The following EFNA2 variants were observed in gnomAD, a reference collection of about 807,000 sequenced individuals.
The protein encoded by EFNA2 is ephrin-A2.
EFNA2 carries 18 observed loss-of-function variants against 19.7 expected under a neutral mutation model. The ratio of observed to expected loss-of-function variants is 0.91; its 90% CI spans 0.63 to 1.35. The LOEUF is 1.35. Ranked by LOEUF, EFNA2 falls within the 40% of genes most tolerant of loss-of-function variation. The pLI, the probability that EFNA2 is intolerant of heterozygous loss-of-function variation, is 0.00. For missense variants in EFNA2, 303 were observed against 296.0 expected (o/e 1.02, Z -0.17); for synonymous variants, 187 against 137.8 (o/e 1.36, Z -2.50).
rs2081463943 is a variant in EFNA2, at chr19:1,286,274, C to T, written c.106C>T (p.Arg36Cys). The T allele has an allele frequency of 4.6e-6, 5 of 1,093,722 alleles. No individual in the cohort carries two copies. Among genetic ancestry groups the T allele is most frequent in the Admixed American group, 4.6e-5 (1 of 21,972 alleles). 67.8% of individuals were successfully genotyped at this position (1,093,722 alleles called of 1,614,324 possible). Reference sequence around the variant, plus strand: ...GGACGCCGCCCGCGCCAACTCGGACCGCTACGCCGTCTACTGGAACCGCAG... The same window carrying T: ...GGACGCCGCCCGCGCCAACTCGGACTGCTACGCCGTCTACTGGAACCGCAG... ...AEDAARANSD[R>C]YAVYWNRSNP... The change falls in exon 1 of 4, where the codon CGC (arginine) becomes TGC (cysteine). Residue 36 changes from arginine (R) to cysteine (C), a missense_variant. Physicochemically the swap from Arg to Cys is radical, Grantham distance 180 (BLOSUM62 -3). Coordinates refer to ENST00000215368, the MANE Select transcript of EFNA2 (RefSeq NM_001405.4). This position sits in a 1 kb window ranked among gnomAD's most constrained non-coding sequence, Gnocchi z 5.6.
At position 1,301,248 on chromosome 19, in the gene EFNA2, ACGGCCGC is replaced by A. The variant is rs934692109; in HGVS notation, c.*1310_*1316del. Among the ~76,000 whole-genome samples, 6 of 140,312 alleles carry A rather than the reference ACGGCCGC, an allele frequency of 4.3e-5. 1 individual carries two copies. Among genetic ancestry groups the A allele is most frequent in the African/African-American group, 1.6e-4 (6 of 38,490 alleles). 92.1% of individuals were successfully genotyped at this position (140,312 alleles called of 152,430 possible). A position where few individuals can be genotyped will look rare whatever the true frequency, so the allele number is the denominator to read the frequency against. ...TATTATATATAAATATATATTGTGT[ACGGCCGC>A]CGGCCGGCGGCTCGAGGCACGCCCG... is the stretch of plus-strand genomic sequence containing the variant. On this transcript the variant is annotated 3_prime_UTR_variant, in exon 4 of 4. Coordinates refer to ENST00000215368, the MANE Select transcript of EFNA2 (RefSeq NM_001405.4).
intron 1 of EFNA2, among the ~76,000 whole-genome samples, chr19:1,289,598 T>C: frequency 6.6e-6 from 1 of 152,146 alleles, no homozygotes; most frequent in East Asian, 1.9e-4. Context: ...TGATTGGAAA[T>C]CTGCAGCCTT....
At chr19:1,289,626 G>C (rs1042161422) in intron 1 of EFNA2, among the ~76,000 whole-genome samples, 1 of 152,218 alleles carries the variant, frequency 6.6e-6, no homozygotes, top group Non-Finnish European at 1.5e-5. Flanking sequence ...CTGGGTGGGC[G>C]CTTGCCCACA....
Position 1,295,441 on chromosome 19 carries a change from G to A in EFNA2, c.141-104G>A. On this transcript the variant is annotated intron_variant, in intron 1 of 3. Coordinates refer to ENST00000215368, the MANE Select transcript of EFNA2 (RefSeq NM_001405.4). This position sits in a 1 kb window ranked among gnomAD's most constrained non-coding sequence, Gnocchi z 5.8. Reference sequence around the variant, plus strand: ...CGGCCCTCGCCGCGCACCCCGACCCGTCCCTCGTGCTCCTGTCCCCTGACC... The same window carrying A: ...CGGCCCTCGCCGCGCACCCCGACCCATCCCTCGTGCTCCTGTCCCCTGACC... 1.7e-6 allele frequency: 2 copies of A among 1,155,512 alleles called. No individual in the cohort carries two copies. The highest frequency in any genetic ancestry group is 2.1e-5 in the South Asian group (1 of 48,694). The allele number at this position is 1,155,512 out of a possible 1,614,324, so 71.6% of individuals were successfully genotyped here.
chr19:1,289,846 G>A (rs1399642948), intron 1 of EFNA2, among the ~76,000 whole-genome samples: 3 of 152,236 alleles, frequency 2.0e-5, no homozygotes, highest in African/African-American at 4.8e-5. Context: ...GGCGTCCCTC[G>A]GCCTCTCGGG....
At chr19:1,298,419 T>G in intron 2 of EFNA2, 132 bp from the exon 3 acceptor site, 1 of 774,162 alleles carries the variant, frequency 1.3e-6, no homozygotes. Context: ...TGATGTACGA[T>G]TAGGAGTTTT....
rs1181464312 is a variant in EFNA2 at position 1,286,553 on chromosome 19, C to T, written c.140+245C>T. ...CCTACGGACTGTGGGGACTCGCGCC[C>T]CACATCCCCCAGAGCGCCGACGTCT... On this transcript the variant is annotated intron_variant, in intron 1 of 3. Coordinates refer to ENST00000215368, the MANE Select transcript of EFNA2 (RefSeq NM_001405.4). This position sits in a 1 kb window ranked among gnomAD's most constrained non-coding sequence, Gnocchi z 5.6. Among the ~76,000 whole-genome samples the T allele has an allele frequency of 6.6e-6, 1 of 152,056 alleles. No individual in the cohort carries two copies. Among genetic ancestry groups the T allele is most frequent in the East Asian group, 1.9e-4 (1 of 5,166 alleles).
Position 1,295,750 on chromosome 19 carries a change from C to A in EFNA2, c.346C>A (p.Arg116=). The A allele has an allele frequency of 6.2e-7, 1 of 1,605,326 alleles. No individual in the cohort carries two copies. Among genetic ancestry groups the A allele is most frequent in the Non-Finnish European group, 8.5e-7 (1 of 1,177,002 alleles). The change falls in exon 2 of 4, where the codon CGG becomes AGG. Residue 116 remains arginine, a synonymous_variant. Transcript: ENST00000215368. This position sits in a 1 kb window ranked among gnomAD's most constrained non-coding sequence, Gnocchi z 5.8. The part of the protein sequence containing the change: ...QRGFKRWECN[R]PAAPGGPLKF... Reference sequence around the variant, plus strand: ...CGGCTTCAAGCGCTGGGAGTGCAACCGGCCCGCGGCGCCCGGGGGGCCGCT... The same window carrying A: ...CGGCTTCAAGCGCTGGGAGTGCAACAGGCCCGCGGCGCCCGGGGGGCCGCT...
At position 1,300,785 on chromosome 19, in the gene EFNA2, C is replaced by G. The variant is rs1022506335; in HGVS notation, c.*840C>G. On this transcript the variant is annotated 3_prime_UTR_variant, in exon 4 of 4. Transcript: ENST00000215368. ...GCCGTGTCTTAGAAACTGCTTTGGC[C>G]GATGCAAACAGCCCCCTACCCGTCC... 6.6e-6 allele frequency among the ~76,000 whole-genome samples: 1 copy of G among 152,152 alleles called. No individual in the cohort carries two copies. Among genetic ancestry groups the G allele is most frequent in the African/African-American group, 2.4e-5 (1 of 41,422 alleles).
At position 1,296,448 on chromosome 19, in the gene EFNA2, G is replaced by T. The variant is rs191784312; in HGVS notation, c.454+590G>T. Among the ~76,000 whole-genome samples, 1 of 152,154 alleles carries T rather than the reference G, an allele frequency of 6.6e-6. No individual in the cohort carries two copies. Among genetic ancestry groups the T allele is most frequent in the Non-Finnish European group, 1.5e-5 (1 of 68,022 alleles). On this transcript the variant is annotated intron_variant, in intron 2 of 3. Transcript: ENST00000215368. This position sits in a 1 kb window ranked among gnomAD's most constrained non-coding sequence, Gnocchi z 4.4. ...TCCCAGCACTTTGGGATGCCGAGGC[G>T]GGAGGATCACTTGAGGCCAGCGTGG...
chr19:1,284,804 C>T (rs1249198002), upstream of EFNA2, among the ~76,000 whole-genome samples: 9 of 152,246 alleles, frequency 5.9e-5, no homozygotes, highest in Non-Finnish European at 8.8e-5. The surrounding 1 kb of genome is among the most constrained non-coding windows in gnomAD (Gnocchi z 5.3). Flanking sequence ...GCAGTTCCCT[C>T]TCCTGCACTG....
At chr19:1,292,295 G>A (rs1037418322) in intron 1 of EFNA2, among the ~76,000 whole-genome samples, 22 of 152,374 alleles carry the variant, frequency 1.4e-4, no homozygotes, top group Non-Finnish European at 2.1e-4. Flanking sequence ...GCCCCACTCC[G>A]GCAGGCAGAG....
At chr19:1,292,012 C>G (rs2081493855) in intron 1 of EFNA2, among the ~76,000 whole-genome samples, 1 of 152,204 alleles carries the variant, frequency 6.6e-6, no homozygotes, top group African/African-American at 2.4e-5. Context: ...TGGGAAAAAT[C>G]CCAAATCAGT....
chr19:1,301,330 C>T lies in EFNA2; in HGVS notation c.*1385C>T, dbSNP rs1420474144. On this transcript the variant is annotated 3_prime_UTR_variant, in exon 4 of 4. Transcript: ENST00000215368. ...TTTGTAGGGGGTCGGCGGGGCGGGC[C>T]GCGTTGCCAGGCCTGGAGCTGGCGA... Among the ~76,000 whole-genome samples the T allele has an allele frequency of 1.3e-5, 2 of 151,288 alleles. No individual in the cohort carries two copies. Among genetic ancestry groups the T allele is most frequent in the South Asian group, 2.1e-4 (1 of 4,826 alleles).
At position 1,293,646 on chromosome 19, in the gene EFNA2, A is replaced by G. The variant is rs186599471; in HGVS notation, c.141-1899A>G. Among the ~76,000 whole-genome samples, 108 of 152,212 alleles carry G rather than the reference A, an allele frequency of 7.1e-4. 2 individuals carry two copies. The East Asian group carries it at 0.02, about 29-fold the overall frequency. On this transcript the variant is annotated intron_variant, in intron 1 of 3. Transcript: ENST00000215368. Reference sequence around the variant, plus strand: ...AGATTTCCCTGCAACACGCCCTCCCATGTCCCCTGTGCTGGGCTCACAGGG... The same window carrying G: ...AGATTTCCCTGCAACACGCCCTCCCGTGTCCCCTGTGCTGGGCTCACAGGG...
intron 1 of EFNA2, among the ~76,000 whole-genome samples, chr19:1,288,128 C>T (rs1298126167): frequency 6.6e-6 from 1 of 152,270 alleles, no homozygotes; most frequent in African/African-American, 2.4e-5. Flanking sequence ...CCTTCCTCTC[C>T]TGCCTGCGGT....
Position 1,295,629 on chromosome 19 carries a change from C to G in EFNA2, c.225C>G (p.His75Gln). Residue 75 changes from histidine to glutamine, a missense_variant, in exon 2 of 4, where the codon CAC (histidine) becomes CAG (glutamine). By Grantham distance (24) the His-to-Gln change is conservative (BLOSUM62 0). Coordinates refer to ENST00000215368, the MANE Select transcript of EFNA2 (RefSeq NM_001405.4). The surrounding 1 kb of genome is among the most constrained non-coding windows in gnomAD (Gnocchi z 5.8). ...INDYLDIYCPHYGAPLPPAER... is the reference protein window; with the variant it reads ...INDYLDIYCPQYGAPLPPAER... ...ACTACCTGGACATCTACTGCCCGCACTATGGGGCGCCGCTGCCGCCGGCCG... is the reference window on the plus strand; with the variant it reads ...ACTACCTGGACATCTACTGCCCGCAGTATGGGGCGCCGCTGCCGCCGGCCG... The G allele has an allele frequency of 1.2e-6, 2 of 1,611,666 alleles. No homozygotes were observed. Among genetic ancestry groups the G allele is most frequent in the South Asian group, 1.1e-5 (1 of 90,894 alleles).
chr19:1,295,842 C>G lies in EFNA2; in HGVS notation c.438C>G (p.His146Gln). The change falls in exon 2 of 4, where the codon CAC becomes CAG. Residue 146 changes from histidine to glutamine, a missense_variant. Coordinates refer to ENST00000215368, the MANE Select transcript of EFNA2 (RefSeq NM_001405.4). This position sits in a 1 kb window ranked among gnomAD's most constrained non-coding sequence, Gnocchi z 5.8. The stretch of plus-strand genomic sequence containing the variant: ...TGGGCTTCGAGTTCCGGCCCGGCCA[C>G]GAGTATTACTACATCTGTGAGTGGG... ...FSLGFEFRPG[H>Q]EYYYISATPP... is the part of the protein sequence containing the mutation. 6.2e-7 allele frequency: 1 copy of G among 1,604,254 alleles called. No individual in the cohort carries two copies. Among genetic ancestry groups the G allele is most frequent in the Non-Finnish European group, 8.5e-7 (1 of 1,177,310 alleles).
Position 1,287,594 on chromosome 19 carries a change from C to T in EFNA2, c.140+1286C>T, listed in dbSNP as rs947758801. On this transcript the variant is annotated intron_variant, in intron 1 of 3. Coordinates refer to ENST00000215368, the MANE Select transcript of EFNA2 (RefSeq NM_001405.4). The surrounding 1 kb of genome is among the most constrained non-coding windows in gnomAD (Gnocchi z 6.2). ...TGTTCCGCCGTGGGGGTGGGGAACA[C>T]GCACAGGCCCACCCCCCACCCTGGT... Among the ~76,000 whole-genome samples, 4 of 152,034 alleles carry T rather than the reference C, an allele frequency of 2.6e-5. No homozygotes were observed. Among genetic ancestry groups the T allele is most frequent in the Non-Finnish European group, 5.9e-5 (4 of 67,962 alleles).
Sources: gnomAD v4.1 joint callset for allele counts (sites outside exome capture counted in the v4.1 genomes callset) on GRCh38, gnomAD v4.1.1 for gene constraint, Gnocchi (gnomAD v3.1) non-coding constraint, MANE v1.5 for transcripts, NCBI Gene and HGNC (gene_info 2026-07-23, HGNC 2026-07-21) for gene names.